The following ZPLD1 variants were observed in gnomAD, a reference collection of about 807,000 sequenced individuals.
ZPLD1 encodes the protein zona pellucida like domain containing 1, also known as zona pellucida-like domain-containing protein 1.
A neutral mutation model predicts 47.2 loss-of-function variants in ZPLD1; 34 were observed. The ratio of observed to expected loss-of-function variants is 0.72; its 90% confidence interval spans 0.55 to 0.96. The LOEUF (loss-of-function observed/expected upper bound fraction) is 0.96. Among genes scored for constraint, ZPLD1 ranks in the 40% least tolerant of loss-of-function variants. ZPLD1 has a pLI of 0.00. For synonymous variants in ZPLD1, 176 were observed against 186.2 expected, an observed-to-expected ratio of 0.95 and a Z score of 0.45; for missense variants, 512 against 505.8, an observed-to-expected ratio of 1.01 and a Z score of -0.12.
At chr3:102,470,006 A>G (rs1157164661) in intron 9 of ZPLD1, among the ~76,000 whole-genome samples, 2 of 152,194 alleles carry the variant, frequency 1.3e-5, no homozygotes, top group African/African-American at 4.8e-5. Flanking sequence ...CTTTGGACTA[A>G]TAAGCTATGA....
At chr3:102,456,101 ATAGATT>A in intron 4 of ZPLD1, 86 bp from the exon 5 acceptor site, 1 of 1,058,736 alleles carries the variant, frequency 9.4e-7, no homozygotes, top group Non-Finnish European at 1.3e-6. Flanking sequence ...AGACTCTAGA[ATAGATT>A]TTGCTTAATG....
intron 7 of ZPLD1, among the ~76,000 whole-genome samples, chr3:102,463,812 G>T (rs1172727722): frequency 6.6e-6 from 1 of 151,444 alleles, no homozygotes; most frequent in Non-Finnish European, 1.5e-5. Flanking sequence ...GGCCGAGGAG[G>T]GTGGATCACG....
intron 3 of ZPLD1, among the ~76,000 whole-genome samples, chr3:102,440,369 C>T (rs760586357): frequency 6.6e-6 from 1 of 151,962 alleles, no homozygotes; most frequent in Non-Finnish European, 1.5e-5. Flanking sequence ...GTGGTAGACT[C>T]AGCAGAAATG....
intron 5 of ZPLD1, among the ~76,000 whole-genome samples, chr3:102,456,578 T>TATC (rs1370319540): frequency 6.6e-6 from 1 of 151,898 alleles, no homozygotes; most frequent in Non-Finnish European, 1.5e-5. Flanking sequence ...TCTATCTATC[T>TATC]ATCTATCTAT....
chr3:102,425,077 T>C (rs1706926654), intron 8 of ZPLD1, among the ~76,000 whole-genome samples: 1 of 152,056 alleles, frequency 6.6e-6, no homozygotes, highest in Non-Finnish European at 1.5e-5. Flanking sequence ...AAATATTACA[T>C]ACAGGAGGAA....
At chr3:102,415,051 G>T (rs1220765449) in intron 7 of ZPLD1, among the ~76,000 whole-genome samples, 2 of 151,810 alleles carry the variant, frequency 1.3e-5, no homozygotes, top group Non-Finnish European at 2.9e-5. Context: ...CTGGGAAATC[G>T]ATTGTACTTA....
chr3:102,397,084 T>C (rs529048031), intron 7 of ZPLD1, among the ~76,000 whole-genome samples: 45 of 152,140 alleles, frequency 3.0e-4, no homozygotes, highest in Non-Finnish European at 6.3e-4. Flanking sequence ...TAAGGACTGA[T>C]GCTTATGTTA....
Position 102,435,020 on chromosome 3 carries a change from G to A in ZPLD1, c.-257G>A. 5.9e-6 allele frequency: 8 copies of A among 1,360,796 alleles called. No homozygotes were observed. The highest frequency in any genetic ancestry group is 8.4e-6 in the Non-Finnish European group (8 of 954,784). 84.3% of individuals were successfully genotyped at this position (1,360,796 alleles called of 1,614,324 possible). On this transcript the variant is annotated 5_prime_UTR_variant, in exon 1 of 12. Coordinates refer to ENST00000466937, the MANE Select transcript of ZPLD1 (RefSeq NM_001329788.2). Reference sequence around the variant, plus strand: ...TGATATGTTTTTGAGGAATGTAAAGGGTGTTAACATAATCCCCCAATCCCA... The same window carrying A: ...TGATATGTTTTTGAGGAATGTAAAGAGTGTTAACATAATCCCCCAATCCCA...
At chr3:102,439,675 A>G (rs969157428) in intron 3 of ZPLD1, among the ~76,000 whole-genome samples, 14 of 152,238 alleles carry the variant, frequency 9.2e-5, no homozygotes, top group African/African-American at 3.4e-4. Context: ...CAACATTTAT[A>G]AATTTTGTTT....
chr3:102,400,410 C>G (rs1706606167), intron 7 of ZPLD1, among the ~76,000 whole-genome samples: 1 of 152,092 alleles, frequency 6.6e-6, no homozygotes, highest in South Asian at 2.1e-4. Flanking sequence ...AGTTGACCTC[C>G]TGCTACGCAC....
At chr3:102,405,022 A>G (rs144123198) in intron 7 of ZPLD1, among the ~76,000 whole-genome samples, 14 of 152,146 alleles carry the variant, frequency 9.2e-5, no homozygotes, top group Non-Finnish European at 1.8e-4. Flanking sequence ...AGTATCTTTG[A>G]GCTTGTAACA....
chr3:102,476,658 C>T (rs752480714), intron 10 of ZPLD1, among the ~76,000 whole-genome samples: 9 of 152,020 alleles, frequency 5.9e-5, no homozygotes, highest in Non-Finnish European at 1.2e-4. Flanking sequence ...TAGCTGTTAA[C>T]GATTACTGCC....
chr3:102,438,859 C>CTAAT (rs1707131780), intron 3 of ZPLD1, among the ~76,000 whole-genome samples: 1 of 152,038 alleles, frequency 6.6e-6, no homozygotes, highest in Non-Finnish European at 1.5e-5. Flanking sequence ...TTGGGAGAGA[C>CTAAT]TAATTTCATT....
At chr3:102,476,730 CTG>C (rs1707763218) in intron 10 of ZPLD1, among the ~76,000 whole-genome samples, 1 of 152,016 alleles carries the variant, frequency 6.6e-6, no homozygotes, top group Non-Finnish European at 1.5e-5. Context: ...AAACAGCACA[CTG>C]TATATTTTTT....
intron 10 of ZPLD1, among the ~76,000 whole-genome samples, chr3:102,474,461 G>A (rs1194346103): frequency 2.6e-5 from 4 of 152,178 alleles, no homozygotes; most frequent in African/African-American, 9.7e-5. Context: ...ACAGGCCACA[G>A]ACTTTGTCCT....
At chr3:102,449,392 C>T (rs62272482) in intron 3 of ZPLD1, among the ~76,000 whole-genome samples, 1 of 152,284 alleles carries the variant, frequency 6.6e-6, no homozygotes, top group East Asian at 1.9e-4. Context: ...CCTTTATCTG[C>T]AGTTTCATTT....
chr3:102,430,017 C>A (rs771534418), upstream of ZPLD1, among the ~76,000 whole-genome samples: 1 of 152,090 alleles, frequency 6.6e-6, no homozygotes, highest in East Asian at 1.9e-4. Flanking sequence ...CTTTAATGCA[C>A]CCCTAGTATT....
rs908684657 is a variant in ZPLD1 at position 102,477,858 on chromosome 3, A to G, written c.*240A>G. On this transcript the variant is annotated 3_prime_UTR_variant, in exon 12 of 12. Coordinates refer to ENST00000466937, the MANE Select transcript of ZPLD1 (RefSeq NM_001329788.2). ...CAGTGAATATATTGACAATAAGTGA[A>G]AAATATTCAGGACTTAGGGCTTACA... 3 of 340,506 alleles carry G rather than the reference A, an allele frequency of 8.8e-6. No homozygotes were observed. Among genetic ancestry groups the G allele is most frequent in the Non-Finnish European group, 1.6e-5 (3 of 190,706 alleles). The allele number at this position is 340,506 out of a possible 1,614,324, so 21.1% of individuals were successfully genotyped here. A position where few individuals can be genotyped will look rare whatever the true frequency, so the allele number is the denominator to read the frequency against.
intron 8 of ZPLD1, among the ~76,000 whole-genome samples, chr3:102,426,150 A>G (rs1292549340): frequency 6.6e-6 from 1 of 151,796 alleles, no homozygotes; most frequent in Non-Finnish European, 1.5e-5. Flanking sequence ...ACACACACAC[A>G]CACACACATG....
Sources: gnomAD v4.1 joint callset for allele counts (sites outside exome capture counted in the v4.1 genomes callset) on GRCh38, gnomAD v4.1.1 for gene constraint, MANE v1.5 for transcripts, NCBI Gene and HGNC (gene_info 2026-07-23, HGNC 2026-07-21) for gene names.